The following COBLL1 variants were observed in gnomAD, a reference collection of about 807,000 sequenced individuals.
COBLL1 encodes cordon-bleu WH2 repeat protein like 1, also known as cordon-bleu protein-like 1.
Under a neutral mutation model 94.8 loss-of-function variants are expected in COBLL1, and 50 were observed. The ratio of observed to expected loss-of-function variants is 0.53; its 90% CI spans 0.42 to 0.67. The LOEUF is 0.67. Ranked by LOEUF, COBLL1 falls within the 30% of genes least tolerant of loss-of-function variation. The pLI, the probability that COBLL1 is intolerant of heterozygous loss-of-function variation, is 0.00. For synonymous variants in COBLL1, 448 were observed against 473.8 expected, an observed-to-expected ratio of 0.95 and a Z score of 0.71; for missense variants, 1,362 against 1,348.7, an observed-to-expected ratio of 1.01 and a Z score of -0.15.
chr2:164,821,823 C>A, intron 2 of COBLL1, among the ~76,000 whole-genome samples: 2 of 152,110 alleles, frequency 1.3e-5, no homozygotes, highest in East Asian at 1.9e-4. Context: ...TCATGAGTTA[C>A]AAAACTACTT....
At chr2:164,664,124 A>G (rs1172219925) in intron 2 of COBLL1, among the ~76,000 whole-genome samples, 1 of 152,198 alleles carries the variant, frequency 6.6e-6, no homozygotes. Context: ...CAGAGAGGGT[A>G]AGGTTTTGCT....
At chr2:164,824,075 C>T (rs1447672452) in intron 2 of COBLL1, among the ~76,000 whole-genome samples, 2 of 152,018 alleles carry the variant, frequency 1.3e-5, no homozygotes, top group Non-Finnish European at 2.9e-5. Flanking sequence ...CAGTTAAAAG[C>T]CTAAATCCTT....
intron 2 of COBLL1, among the ~76,000 whole-genome samples, chr2:164,789,020 AACACACAC>A (rs56773751): frequency 0.047 from 6,714 of 141,600 alleles, 348 homozygotes; most frequent in East Asian, 0.29. Flanking sequence ...TAGAGGTTTA[AACACACAC>A]ACACACACAC....
In COBLL1 at chr2:164,694,367, C is replaced by A. The variant is rs1324629850; in HGVS notation, c.3025G>T (p.Ala1009Ser). Residue 1009 changes from alanine (A) to serine (S), a missense_variant, in exon 12 of 14, where the codon GCC (alanine) becomes TCC (serine). Ala to Ser is a moderately conservative substitution (Grantham distance 99, BLOSUM62 1). Coordinates refer to ENST00000652658, the MANE Select transcript of COBLL1 (RefSeq NM_001365672.2). The stretch of plus-strand genomic sequence containing the variant: ...GCTGGAGGTTGGACCAATGCACTGG[C>A]ACTAGGTGACTCGGTGCGCTCTTTA... ...FSKERTESPS[A>S]SALVQPPANT... 2 of 1,613,900 alleles carry A rather than the reference C, an allele frequency of 1.2e-6. No homozygotes were observed. The highest frequency in any genetic ancestry group is 1.7e-6 in the Non-Finnish European group (2 of 1,179,938).
rs377161034 is a variant in COBLL1 at position 164,695,286 on chromosome 2, C to A, written c.2106G>T (p.Lys702Asn). ...AGTCCTGTCTATAAAGTGGGTAATT[C>A]TTTAGGTAAGAAGCAGTGGAATTTT... is the stretch of plus-strand genomic sequence containing the variant. ...IDKNSTASYL[K>N]NYPLYRQDYN... The change falls in exon 12 of 14, where the codon AAG becomes AAT. Residue 702 changes from lysine to asparagine, a missense_variant. Physicochemically the swap from Lys to Asn is moderately conservative, Grantham distance 94. Transcript: ENST00000652658. 1.9e-6 allele frequency: 3 copies of A among 1,613,666 alleles called. No individual in the cohort carries two copies. The highest frequency in any genetic ancestry group is 2.5e-6 in the Non-Finnish European group (3 of 1,179,920).
At chr2:164,823,306 C>A (rs890391007) in intron 2 of COBLL1, among the ~76,000 whole-genome samples, 1 of 152,144 alleles carries the variant, frequency 6.6e-6, no homozygotes, top group Non-Finnish European at 1.5e-5. Flanking sequence ...TTAACAAATA[C>A]TTACTGAAAA....
intron 2 of COBLL1, among the ~76,000 whole-genome samples, chr2:164,818,625 ATG>A (rs1491270771): frequency 3.4e-5 from 5 of 144,938 alleles, no homozygotes; most frequent in Non-Finnish European, 6.0e-5. Flanking sequence ...GTACACATAT[ATG>A]GCGTATATGT....
rs145182355 is a variant in COBLL1, at chr2:164,756,056, T to TGA, written c.42-12183_42-12182dup. ...TGCGTATAGTGTGTATATGGCAGCATGAGAGAGAGAGAGAGAATGAGGGAG... is the reference window on the plus strand; with the variant it reads ...TGCGTATAGTGTGTATATGGCAGCATGAGAGAGAGAGAGAGAGAATGAGGGAG... On this transcript the variant is annotated intron_variant, in intron 2 of 13. Coordinates refer to ENST00000652658, the MANE Select transcript of COBLL1 (RefSeq NM_001365672.2). Among the ~76,000 whole-genome samples, 152 of 144,274 alleles carry TGA rather than the reference T, an allele frequency of 1.1e-3. 1 individual carries two copies. The highest frequency in any genetic ancestry group is 3.9e-3 in the African/African-American group (150 of 38,756). The allele number at this position is 144,274 out of a possible 152,430, so 94.6% of individuals were successfully genotyped here. A position where few individuals can be genotyped will look rare whatever the true frequency, so the allele number is the denominator to read the frequency against.
chr2:164,763,622 T>A (rs1345079831), intron 2 of COBLL1, among the ~76,000 whole-genome samples: 2 of 152,276 alleles, frequency 1.3e-5, no homozygotes, highest in Non-Finnish European at 1.5e-5. Context: ...ATCCACTTGA[T>A]AAAGTATTAT....
intron 3 of COBLL1, among the ~76,000 whole-genome samples, chr2:164,741,381 A>G (rs1686586882): frequency 6.6e-6 from 1 of 152,148 alleles, no homozygotes; most frequent in Non-Finnish European, 1.5e-5. Context: ...CAGGCTAGGT[A>G]GTTTGGACTC....
In COBLL1 at chr2:164,778,221, T is replaced by G. The variant is rs186759926; in HGVS notation, c.42-34346A>C. Among the ~76,000 whole-genome samples the G allele has an allele frequency of 2.0e-5, 3 of 152,250 alleles. No homozygotes were observed. In the East Asian group the frequency reaches 5.8e-4, roughly 29 times the overall value. The stretch of plus-strand genomic sequence containing the variant: ...ATTGCAAGACACTGAAGGAATAAAA[T>G]GCCAGCTCAGAGGATGGGTGTGTCA... On this transcript the variant is annotated intron_variant, in intron 2 of 13. Coordinates refer to ENST00000652658, the MANE Select transcript of COBLL1 (RefSeq NM_001365672.2).
chr2:164,699,423 C>G lies in COBLL1; in HGVS notation c.1537G>C (p.Gly513Arg), dbSNP rs764343353. 3 of 1,610,118 alleles carry G rather than the reference C, an allele frequency of 1.9e-6. No homozygotes were observed. In the South Asian group the frequency reaches 3.3e-5, roughly 18 times the overall value. ...VDSIRNLKSL[G>R]PNQENVVQNE... Reference sequence around the variant, plus strand: ...AACTCACCATTCTCTTGGTTTGGGCCCAACGACTTCAAGTTTCTTATACTG... The same window carrying G: ...AACTCACCATTCTCTTGGTTTGGGCGCAACGACTTCAAGTTTCTTATACTG... Residue 513 changes from glycine (G) to arginine (R), a missense_variant, in exon 11 of 14, where the codon GGC (glycine) becomes CGC (arginine). Physicochemically the swap from Gly to Arg is moderately radical, Grantham distance 125 (BLOSUM62 -2). Coordinates refer to ENST00000652658, the MANE Select transcript of COBLL1 (RefSeq NM_001365672.2).
rs1683908822 is a variant in COBLL1, at chr2:164,695,729, T to C, written c.1663A>G (p.Ile555Val). ...GATGGTCTCTCAACTTCCATATCAA[T>C]GTTGTTATTTTTGGCAACACCTTCT... is the stretch of plus-strand genomic sequence containing the variant. ...NVEGVAKNNN[I>V]DMEVERPSNS... Residue 555 changes from isoleucine to valine, a missense_variant, in exon 12 of 14, where the codon ATT becomes GTT. Physicochemically the swap from Ile to Val is conservative, Grantham distance 29 (BLOSUM62 3). Transcript: ENST00000652658. 1.2e-6 allele frequency: 2 copies of C among 1,613,856 alleles called. No homozygotes were observed. The highest frequency in any genetic ancestry group is 4.5e-5 in the East Asian group (2 of 44,860).
chr2:164,837,477 G>A, intron 2 of COBLL1: 1 of 463,818 alleles, frequency 2.2e-6, no homozygotes, highest in Non-Finnish European at 4.5e-6. Context: ...TTTCCAACCA[G>A]TGTCTCCAAC....
At position 164,668,939 on chromosome 2, in the gene COBLL1, T is replaced by C. The variant is rs146365008; in HGVS notation, n.127-3038A>G. 3.3e-5 allele frequency among the ~76,000 whole-genome samples: 5 copies of C among 152,336 alleles called. No individual in the cohort carries two copies. The East Asian group carries it at 7.7e-4, about 24-fold the overall frequency. ...GAATGGGAGAACCTGTGCCAAGTGG[T>C]ATGAACGGTATGAACATTTACAGTA... is the stretch of plus-strand genomic sequence containing the variant. On this transcript the variant is annotated intron_variant and non_coding_transcript_variant, in intron 1 of 2. Transcript: ENST00000495084.
intron 2 of COBLL1, among the ~76,000 whole-genome samples, chr2:164,818,560 C>CATATATAGCATATGTGTACATATGT (rs1684973709): frequency 1.4e-5 from 2 of 145,424 alleles, no homozygotes; most frequent in Non-Finnish European, 3.0e-5. Context: ...TACATATGTA[C>CATATATAGCATATGTGTACATATGT]ACATATATAG....
rs547511538 is a variant in COBLL1, at chr2:164,753,880, T to G, written c.42-10005A>C. On this transcript the variant is annotated intron_variant, in intron 2 of 13. Coordinates refer to ENST00000652658, the MANE Select transcript of COBLL1 (RefSeq NM_001365672.2). ...CCTCAGCCTCCTGAGTAGCTGGAAG[T>G]ATAGGCATTCATTACCATGCCCAGC... Among the ~76,000 whole-genome samples the G allele has an allele frequency of 3.0e-3, 460 of 151,976 alleles. 1 individual carries two copies. Among genetic ancestry groups the G allele is most frequent in the African/African-American group, 0.011 (439 of 41,432 alleles).
chr2:164,787,791 A>G (rs1399320869), intron 2 of COBLL1, among the ~76,000 whole-genome samples: 2 of 152,140 alleles, frequency 1.3e-5, no homozygotes, highest in African/African-American at 2.4e-5. Context: ...CCCAACTTGT[A>G]TTTACTATAA....
intron 2 of COBLL1, among the ~76,000 whole-genome samples, chr2:164,827,482 C>G (rs1215365331): frequency 6.6e-6 from 1 of 152,204 alleles, no homozygotes; most frequent in East Asian, 1.9e-4. Context: ...TATGTGCCCA[C>G]ATGACAATTG....
Sources: gnomAD v4.1 joint callset for allele counts (sites outside exome capture counted in the v4.1 genomes callset) on GRCh38, gnomAD v4.1.1 for gene constraint, MANE v1.5 for transcripts, NCBI Gene and HGNC (gene_info 2026-07-23, HGNC 2026-07-21) for gene names.